USP32: variants seen among roughly 807,000 people sequenced by gnomAD.
The protein encoded by USP32 is ubiquitin carboxyl-terminal hydrolase 32.
USP32 carries 59 observed loss-of-function variants against 204.8 expected under a neutral mutation model. The observed-to-expected ratio is 0.29, with a 90% confidence interval of 0.23 to 0.36. USP32 has a LOEUF of 0.36. Among genes scored for constraint, USP32 ranks in the 10% least tolerant of loss-of-function variants. The probability of loss-of-function intolerance (pLI) is 1.00; values close to 1 mark genes in which losing one functional copy is unlikely to be tolerated. For synonymous variants in USP32, 517 were observed against 678.4 expected, an observed-to-expected ratio of 0.76 and a Z score of 3.70; for missense variants, 1,160 against 1,946.4, an observed-to-expected ratio of 0.60 and a Z score of 7.60.
chr17:60,261,785 G>A (rs2086460011), intron 9 of USP32, among the ~76,000 whole-genome samples: 1 of 152,098 alleles, frequency 6.6e-6, no homozygotes, highest in African/African-American at 2.4e-5. Flanking sequence ...GCTCAAGATG[G>A]TAAAAAGTAT....
chr17:60,371,208 T>C (rs2089432653), intron 1 of USP32, among the ~76,000 whole-genome samples: 1 of 144,156 alleles, frequency 6.9e-6, no homozygotes, highest in African/African-American at 2.6e-5. Context: ...TGAGCACCAC[T>C]GCACTTCAGC....
chr17:60,309,950 A>T (rs375803776), intron 2 of USP32, among the ~76,000 whole-genome samples: 1 of 152,166 alleles, frequency 6.6e-6, no homozygotes, highest in East Asian at 1.9e-4. Flanking sequence ...AGTCTGAGGC[A>T]GGAGAACTGT....
chr17:60,409,996 A>G (rs2090006142), intron 1 of USP32, among the ~76,000 whole-genome samples: 1 of 152,152 alleles, frequency 6.6e-6, no homozygotes, highest in Non-Finnish European at 1.5e-5. Context: ...CAAAACTAAC[A>G]ATCTCCTTGT....
intron 18 of USP32, among the ~76,000 whole-genome samples, chr17:60,212,769 T>G (rs898282310): frequency 6.6e-6 from 1 of 152,056 alleles, no homozygotes; most frequent in Admixed American, 6.5e-5. Context: ...CTTTTTTTTT[T>G]TTTGAGACAG....
chr17:60,311,424 A>G (rs907876647), intron 2 of USP32, among the ~76,000 whole-genome samples: 1 of 152,210 alleles, frequency 6.6e-6, no homozygotes, highest in Non-Finnish European at 1.5e-5. Flanking sequence ...CCAGTAAATA[A>G]TATGATTAAC....
At chr17:60,339,984 T>C (rs1179964930) in intron 2 of USP32, among the ~76,000 whole-genome samples, 1 of 152,212 alleles carries the variant, frequency 6.6e-6, no homozygotes, top group Non-Finnish European at 1.5e-5. Context: ...TTTATAGATA[T>C]ACTGATGTTA....
rs371763825 is a variant in USP32, at chr17:60,266,024, C to G, written c.879G>C (p.Val293=). ...CCTTCCAGACTTCTAAAAGTGCAAC[C>G]ACCATGTCTCTCAGTTCAACCCTGG... ...VLSRVELRDM[V]VALLEVWKDN... The change falls in exon 8 of 34, where the codon GTG becomes GTC. Residue 293 remains valine (V), a synonymous_variant. Transcript: ENST00000300896. 3 of 1,614,036 alleles carry G rather than the reference C, an allele frequency of 1.9e-6. No homozygotes were observed. The highest frequency in any genetic ancestry group is 2.7e-5 in the African/African-American group (2 of 75,032).
intron 1 of USP32, among the ~76,000 whole-genome samples, chr17:60,385,669 C>T (rs1598306714): frequency 6.6e-6 from 1 of 151,932 alleles, no homozygotes; most frequent in South Asian, 2.1e-4. Context: ...TAGTAAAACC[C>T]TGTCTCTACT....
At chr17:60,380,451 C>T (rs2089627163) in intron 1 of USP32, among the ~76,000 whole-genome samples, 1 of 152,030 alleles carries the variant, frequency 6.6e-6, no homozygotes, top group Non-Finnish European at 1.5e-5. Context: ...ACCTGTAGTC[C>T]CAGCTGCTAG....
chr17:60,186,803 AAAG>A (rs1192981261), intron 29 of USP32, among the ~76,000 whole-genome samples: 27 of 152,288 alleles, frequency 1.8e-4, no homozygotes, highest in African/African-American at 6.0e-4. Flanking sequence ...GTGCAACAGA[AAAG>A]AAACAATTTT....
chr17:60,368,397 T>C (rs2089360516), intron 1 of USP32, among the ~76,000 whole-genome samples: 1 of 152,198 alleles, frequency 6.6e-6, no homozygotes, highest in Non-Finnish European at 1.5e-5. Context: ...AAGTGTTCTA[T>C]TGTTATAGTT....
intron 2 of USP32, among the ~76,000 whole-genome samples, chr17:60,314,128 C>CTT (rs35830572): frequency 0.039 from 2,070 of 52,828 alleles, 182 homozygotes; most frequent in African/African-American, 0.13. Flanking sequence ...TATTGTGTGG[C>CTT]TTTTTTTTTT....
chr17:60,322,162 T>G (rs1225861697), intron 2 of USP32, among the ~76,000 whole-genome samples: 1 of 152,058 alleles, frequency 6.6e-6, no homozygotes, highest in African/African-American at 2.4e-5. Context: ...AGTAGGTAAC[T>G]CTATAGGCCA....
intron 2 of USP32, among the ~76,000 whole-genome samples, chr17:60,333,524 C>T (rs555489676): frequency 6.6e-5 from 10 of 152,170 alleles, no homozygotes; most frequent in South Asian, 4.1e-4. Flanking sequence ...CACTTGAACC[C>T]GGGAGGTGGA....
Position 60,392,105 on chromosome 17 carries a change from C to A in USP32, c.-166G>T. On this transcript the variant is annotated 5_prime_UTR_variant, in exon 1 of 34. Transcript: ENST00000300896. ...TTCTGCCCCGGCGGCTCCTCCCGGT[C>A]GCCGCCACCGCCTCCATGCCGGATC... 1.6e-6 allele frequency: 1 copy of A among 637,788 alleles called. No homozygotes were observed. Among genetic ancestry groups the A allele is most frequent in the South Asian group, 2.0e-5 (1 of 49,484 alleles). The allele number at this position is 637,788 out of a possible 1,614,324, so 39.5% of individuals were successfully genotyped here.
intron 1 of USP32, among the ~76,000 whole-genome samples, chr17:60,401,598 C>T (rs561145867): frequency 6.6e-6 from 1 of 151,344 alleles, no homozygotes; most frequent in Non-Finnish European, 1.5e-5. Flanking sequence ...CCTCTGGGGG[C>T]TGGGTGCAGT....
chr17:60,208,532 A>G (rs4047765), intron 23 of USP32, 122 bp downstream of exon 23: 67 of 1,338,538 alleles, frequency 5.0e-5, no homozygotes, highest in Admixed American at 2.9e-4. Context: ...TAGGTTGCTC[A>G]ATTATAATAT....
chr17:60,243,794 A>G (rs1009979569), intron 11 of USP32, among the ~76,000 whole-genome samples: 5 of 152,066 alleles, frequency 3.3e-5, no homozygotes, highest in African/African-American at 1.2e-4. Flanking sequence ...ACATTTGAAT[A>G]TGTATTCTGT....
At chr17:60,225,960 AAAAAAAAAAAG>A (rs1598096833) in intron 13 of USP32, 68 bp downstream of exon 13, 1 of 1,442,598 alleles carries the variant, frequency 6.9e-7, no homozygotes, top group Admixed American at 2.6e-5. Flanking sequence ...CTCAAAAAAA[AAAAAAAAAAAG>A]AAAAGAAAAG....
Sources: gnomAD v4.1 joint callset for allele counts (sites outside exome capture counted in the v4.1 genomes callset) on GRCh38, gnomAD v4.1.1 for gene constraint, MANE v1.5 for transcripts, NCBI Gene and HGNC (gene_info 2026-07-23, HGNC 2026-07-21) for gene names.